The following PROCR variants were observed in gnomAD, a reference collection of about 807,000 sequenced individuals.
PROCR encodes the protein protein C receptor, also known as endothelial protein C receptor.
Under a neutral mutation model 24.2 loss-of-function variants are expected in PROCR, and 22 were observed. That is an observed-to-expected ratio of 0.91 (90% confidence interval 0.65 to 1.30). The LOEUF (loss-of-function observed/expected upper bound fraction) is 1.30. Ranked by LOEUF, PROCR falls within the 50% of genes most tolerant of loss-of-function variation. The probability of loss-of-function intolerance (pLI) is 0.00; values close to 1 mark genes in which losing one functional copy is unlikely to be tolerated. For synonymous variants in PROCR, 137 were observed against 139.2 expected, an observed-to-expected ratio of 0.98 and a Z score of 0.11; for missense variants, 288 against 307.7, an observed-to-expected ratio of 0.94 and a Z score of 0.48.
chr20:35,184,074 A>G (rs1056130480), intron 1 of PROCR, among the ~76,000 whole-genome samples: 1 of 152,222 alleles, frequency 6.6e-6, no homozygotes, highest in African/African-American at 2.4e-5. Context: ...ATATGGAATC[A>G]AAAAAGAGCC....
At chr20:35,179,036 C>T (rs2086053813), downstream of PROCR, among the ~76,000 whole-genome samples, 1 of 148,392 alleles carries the variant, frequency 6.7e-6, no homozygotes, top group Non-Finnish European at 1.5e-5. Context: ...TCGAGACCAT[C>T]CTGACTAACA....
intron 1 of PROCR, among the ~76,000 whole-genome samples, chr20:35,198,185 G>A (rs763466446): frequency 1.5e-4 from 22 of 151,706 alleles, no homozygotes; most frequent in Admixed American, 6.6e-4. Flanking sequence ...CCAGCTACTC[G>A]GGAGGCTGAG....
chr20:35,216,061 G>GT (rs1448478960), exon 2 of PROCR: 11 of 165,410 alleles, frequency 6.7e-5, no homozygotes, highest in Non-Finnish European at 1.1e-4. Flanking sequence ...GCCAGGCGTG[G>GT]TGGTGCATGT....
downstream of PROCR, among the ~76,000 whole-genome samples, chr20:35,179,887 T>C (rs2065979): frequency 0.62 from 93,518 of 152,046 alleles, 30,008 homozygotes; most frequent in African/African-American, 0.8. Context: ...GTTCAAGATA[T>C]CATAATTCCT....
chr20:35,204,711 A>G (rs2060331673), intron 1 of PROCR, among the ~76,000 whole-genome samples: 1 of 151,990 alleles, frequency 6.6e-6, no homozygotes, highest in Admixed American at 6.6e-5. Flanking sequence ...ACCAAATGTT[A>G]AAGAAAGAAA....
intron 1 of PROCR, among the ~76,000 whole-genome samples, chr20:35,197,589 C>T (rs544702752): frequency 2.0e-5 from 3 of 151,852 alleles, no homozygotes; most frequent in Admixed American, 1.3e-4. Context: ...TTTGGGAGGC[C>T]GAGGTGGGCG....
chr20:35,175,218 C>T (rs1469011050), intron 2 of PROCR, among the ~76,000 whole-genome samples: 1 of 152,028 alleles, frequency 6.6e-6, no homozygotes. Flanking sequence ...GGCCCTGACA[C>T]CGTGACGTCG....
At chr20:35,201,340 T>C (rs1323202259) in intron 1 of PROCR, among the ~76,000 whole-genome samples, 1 of 152,172 alleles carries the variant, frequency 6.6e-6, no homozygotes, top group Non-Finnish European at 1.5e-5. Context: ...TATCAATAAC[T>C]ACATTAAATG....
Position 35,215,206 on chromosome 20 carries a change from C to T in PROCR, c.95-687C>T, listed in dbSNP as rs542170535. Among the ~76,000 whole-genome samples the T allele has an allele frequency of 7.0e-4, 106 of 152,338 alleles. 1 individual carries two copies. Among genetic ancestry groups the T allele is most frequent in the African/African-American group, 2.3e-3 (95 of 41,582 alleles). The stretch of plus-strand genomic sequence containing the variant: ...GATTACGGGCGTGAGCCACAGCGCC[C>T]GGCCTTTTACCCTCCATTTTCTGCC... On this transcript the variant is annotated intron_variant, in intron 1 of 1. Coordinates refer to the PROCR transcript ENST00000634509.
At chr20:35,185,427 CT>C (rs1187447847) in intron 1 of PROCR, among the ~76,000 whole-genome samples, 1 of 152,200 alleles carries the variant, frequency 6.6e-6, no homozygotes, top group Non-Finnish European at 1.5e-5. Context: ...AAAAAAGATA[CT>C]TGCACACGCA....
At chr20:35,182,684 G>T (rs6060285) in intron 1 of PROCR, among the ~76,000 whole-genome samples, 93,497 of 151,986 alleles carry the variant, frequency 0.62, 30,000 homozygotes, top group African/African-American at 0.8. Flanking sequence ...ATAAAAATGT[G>T]ATGTTATGTG....
intron 1 of PROCR, among the ~76,000 whole-genome samples, chr20:35,215,021 C>A (rs1471418439): frequency 1.3e-5 from 2 of 151,884 alleles, no homozygotes; most frequent in Non-Finnish European, 2.9e-5. Context: ...ATTCTCCTGC[C>A]TCGGCCTCCT....
chr20:35,206,301 C>T (rs1371971994), intron 1 of PROCR, among the ~76,000 whole-genome samples: 2 of 151,380 alleles, frequency 1.3e-5, no homozygotes, highest in Admixed American at 1.3e-4. Flanking sequence ...AGTGAAACCT[C>T]GTCTCTACTA....
intron 1 of PROCR, chr20:35,174,362 T>G: frequency 2.6e-6 from 1 of 379,646 alleles, no homozygotes. Context: ...GGCGATGGAA[T>G]TGGAATTTTA....
downstream of PROCR, among the ~76,000 whole-genome samples, chr20:35,180,247 C>CAAAT (rs1176100802): frequency 1.2e-5 from 1 of 82,592 alleles, no homozygotes; most frequent in Non-Finnish European, 2.4e-5. Context: ...AATTCCATCT[C>CAAAT]AAATAAATAA....
chr20:35,213,968 C>T (rs912213473), intron 1 of PROCR, among the ~76,000 whole-genome samples: 2 of 150,988 alleles, frequency 1.3e-5, no homozygotes, highest in African/African-American at 4.9e-5. Flanking sequence ...CTAGCTACTT[C>T]GGAGGCTGAG....
upstream of PROCR, among the ~76,000 whole-genome samples, chr20:35,171,211 C>T (rs1326680816): frequency 6.6e-6 from 1 of 152,154 alleles, no homozygotes; most frequent in East Asian, 1.9e-4. Flanking sequence ...TTTCTACTTG[C>T]TTCCTAGAGT....
chr20:35,172,236 G>T lies in PROCR; in HGVS notation c.70+12G>T. 1 of 1,613,836 alleles carries T rather than the reference G, an allele frequency of 6.2e-7. No individual in the cohort carries two copies. On this transcript the variant is annotated intron_variant, in intron 1 of 3. Transcript: ENST00000216968. Reference sequence around the variant, plus strand: ...AGACGCCTCAGATGGTGAGTCGGGGGCACATCTCCTGCCTCAGGATGGTTC... The same window carrying T: ...AGACGCCTCAGATGGTGAGTCGGGGTCACATCTCCTGCCTCAGGATGGTTC...
At chr20:35,181,758 G>A (rs1301902424), downstream of PROCR, among the ~76,000 whole-genome samples, 2 of 152,184 alleles carry the variant, frequency 1.3e-5, no homozygotes, top group African/African-American at 4.8e-5. Flanking sequence ...CCTTACTCCA[G>A]AGGTATGCTA....
Sources: gnomAD v4.1 joint callset for allele counts (sites outside exome capture counted in the v4.1 genomes callset) on GRCh38, gnomAD v4.1.1 for gene constraint, MANE v1.5 for transcripts, NCBI Gene and HGNC (gene_info 2026-07-23, HGNC 2026-07-21) for gene names.